The following AHCYL2 variants were observed in gnomAD, a reference collection of about 807,000 sequenced individuals.
AHCYL2 encodes adenosylhomocysteinase like 2.
Under a neutral mutation model 81.4 loss-of-function variants are expected in AHCYL2, and 28 were observed. The observed-to-expected ratio is 0.34, with a 90% CI of 0.25 to 0.47. The LOEUF is 0.47. Ranked by LOEUF, AHCYL2 falls within the 20% of genes least tolerant of loss-of-function variation. The pLI is 1.00. For synonymous variants in AHCYL2, 272 were observed against 290.2 expected, an observed-to-expected ratio of 0.94 and a Z score of 0.64; for missense variants, 551 against 785.1, an observed-to-expected ratio of 0.70 and a Z score of 3.56.
rs35521435 is a variant in AHCYL2 at position 129,424,225 on chromosome 7, C to CA, written c.1561-632dup. On this transcript the variant is annotated intron_variant, in intron 13 of 16. Coordinates refer to ENST00000325006, the MANE Select transcript of AHCYL2 (RefSeq NM_015328.4). Reference sequence around the variant, plus strand: ...CAGCTATGGTGAAACCCTGTCTCTACAAAAAAAAAAAAAAAAATACAAAAG... The same window carrying CA: ...CAGCTATGGTGAAACCCTGTCTCTACAAAAAAAAAAAAAAAAAATACAAAAG... 7.5e-3 allele frequency among the ~76,000 whole-genome samples: 505 copies of CA among 67,308 alleles called. 1 individual carries two copies. Among genetic ancestry groups the CA allele is most frequent in the East Asian group, 0.019 (50 of 2,696 alleles). 44.2% of individuals were successfully genotyped at this position (67,308 alleles called of 152,430 possible). A position where few individuals can be genotyped will look rare whatever the true frequency, so the allele number is the denominator to read the frequency against.
chr7:129,263,504 G>A (rs1050137904), intron 1 of AHCYL2, among the ~76,000 whole-genome samples: 3 of 152,262 alleles, frequency 2.0e-5, no homozygotes, highest in East Asian at 1.9e-4. Flanking sequence ...TTTGCTTTCC[G>A]GGATTACCTG....
At chr7:129,322,798 C>T (rs1049021610) in intron 1 of AHCYL2, among the ~76,000 whole-genome samples, 8 of 152,082 alleles carry the variant, frequency 5.3e-5, no homozygotes, top group Non-Finnish European at 1.0e-4. Flanking sequence ...CCAGGTTGCT[C>T]GGGCTGATCT....
At chr7:129,274,625 G>C (rs528982424) in intron 1 of AHCYL2, among the ~76,000 whole-genome samples, 4 of 152,248 alleles carry the variant, frequency 2.6e-5, no homozygotes, top group African/African-American at 9.6e-5. Context: ...GACTTCAGAG[G>C]CTAGGTCATG....
intron 13 of AHCYL2, among the ~76,000 whole-genome samples, chr7:129,424,290 C>T (rs1453847671): frequency 6.6e-6 from 1 of 151,530 alleles, no homozygotes; most frequent in Non-Finnish European, 1.5e-5. Context: ...ATCCCAGTTA[C>T]TCTGGAGGCT....
chr7:129,355,655 A>G (rs896813564), intron 1 of AHCYL2, among the ~76,000 whole-genome samples: 2 of 152,194 alleles, frequency 1.3e-5, no homozygotes, highest in Non-Finnish European at 2.9e-5. Context: ...CATCAACACA[A>G]CTTCCAGAAA....
intron 1 of AHCYL2, among the ~76,000 whole-genome samples, chr7:129,298,296 T>C (rs185882559): frequency 8.5e-5 from 13 of 152,192 alleles, no homozygotes; most frequent in African/African-American, 2.7e-4. Context: ...AAATACAAGG[T>C]AGCCTGGTTT....
chr7:129,421,308 T>C (rs1457693333), intron 12 of AHCYL2, among the ~76,000 whole-genome samples: 3 of 152,060 alleles, frequency 2.0e-5, no homozygotes, highest in Non-Finnish European at 2.9e-5. Context: ...ATGTCTGTCT[T>C]TTTTTTGGAG....
At chr7:129,370,826 C>T (rs937691557) in intron 1 of AHCYL2, among the ~76,000 whole-genome samples, 1 of 152,206 alleles carries the variant, frequency 6.6e-6, no homozygotes, top group African/African-American at 2.4e-5. Context: ...TACCTTTGCT[C>T]AGTATTTTGA....
At position 129,242,528 on chromosome 7, in the gene AHCYL2, C is replaced by T. The variant is rs574334993; in HGVS notation, c.363+17089C>T. On this transcript the variant is annotated intron_variant, in intron 1 of 16. Coordinates refer to ENST00000325006, the MANE Select transcript of AHCYL2 (RefSeq NM_015328.4). ...GTCAGAAGTTTGAGACCAGTCTGGC[C>T]AATATAGTGAAACCCCGTCTCTACT... is the stretch of plus-strand genomic sequence containing the variant. Among the ~76,000 whole-genome samples the T allele has an allele frequency of 2.0e-5, 3 of 151,966 alleles. No homozygotes were observed. In the East Asian group the frequency reaches 5.8e-4, roughly 29 times the overall value.
intron 1 of AHCYL2, among the ~76,000 whole-genome samples, chr7:129,324,751 G>A (rs182600426): frequency 1.6e-3 from 243 of 151,998 alleles, no homozygotes; most frequent in African/African-American, 5.7e-3. Flanking sequence ...TCCTGACCTC[G>A]TGATCCACCT....
chr7:129,323,384 G>A (rs1035744557), intron 1 of AHCYL2, among the ~76,000 whole-genome samples: 5 of 152,000 alleles, frequency 3.3e-5, no homozygotes, highest in Non-Finnish European at 5.9e-5. Context: ...ACATGTTTCT[G>A]TTTTTTAATT....
At chr7:129,229,369 G>T (rs914497359) in intron 1 of AHCYL2, among the ~76,000 whole-genome samples, 2 of 152,106 alleles carry the variant, frequency 1.3e-5, no homozygotes, top group African/African-American at 4.8e-5. Flanking sequence ...CCTTTTATGT[G>T]CCAGGAGTTG....
intron 1 of AHCYL2, among the ~76,000 whole-genome samples, chr7:129,241,598 A>G (rs532840694): frequency 2.7e-4 from 41 of 152,184 alleles, no homozygotes; most frequent in Non-Finnish European, 4.6e-4. Context: ...CTCAAAAAAA[A>G]TAAAATAAAA....
rs755602687 is a variant in AHCYL2, at chr7:129,426,477, T to C, written c.1743T>C (p.Phe581=). ...EYVASLHLPT[F]DAHLTELTDE... ...TGGCCAGCCTACACCTGCCTACCTT[T>C]GATGCCCACTTGACAGAGCTGACAG... Residue 581 remains phenylalanine (F), a synonymous_variant, in exon 16 of 17, where the codon TTT becomes TTC. Coordinates refer to ENST00000325006, the MANE Select transcript of AHCYL2 (RefSeq NM_015328.4). The surrounding 1 kb of genome is among the most constrained non-coding windows in gnomAD (Gnocchi z 4.3). 1 of 1,614,138 alleles carries C rather than the reference T, an allele frequency of 6.2e-7. No individual in the cohort carries two copies. Among genetic ancestry groups the C allele is most frequent in the Middle Eastern group, 1.7e-4 (1 of 6,060 alleles).
intron 1 of AHCYL2, among the ~76,000 whole-genome samples, chr7:129,233,836 A>C (rs1021726815): frequency 6.6e-6 from 1 of 152,052 alleles, no homozygotes; most frequent in Non-Finnish European, 1.5e-5. Context: ...CATAGGCTTT[A>C]TGCCTCATTA....
intron 4 of AHCYL2, among the ~76,000 whole-genome samples, chr7:129,394,410 CTT>C (rs1158437886): frequency 1.5e-5 from 1 of 67,366 alleles, no homozygotes. Context: ...TTTAATCTGA[CTT>C]TTTTTTTTTC....
chr7:129,324,770 C>T (rs1798160539), intron 1 of AHCYL2, among the ~76,000 whole-genome samples: 1 of 151,974 alleles, frequency 6.6e-6, no homozygotes, highest in African/African-American at 2.4e-5. Flanking sequence ...CTGCCTCAGC[C>T]TCCCAAAGTG....
chr7:129,367,373 A>G (rs1794161516), intron 1 of AHCYL2, among the ~76,000 whole-genome samples: 1 of 152,170 alleles, frequency 6.6e-6, no homozygotes, highest in South Asian at 2.1e-4. Flanking sequence ...TTATTGGATA[A>G]TATACTCTAG....
intron 13 of AHCYL2, 74 bp downstream of exon 13, chr7:129,423,012 G>A (rs1797188145): frequency 8.0e-7 from 1 of 1,253,894 alleles, no homozygotes; most frequent in Non-Finnish European, 1.1e-6. Flanking sequence ...TCCTCCTCAT[G>A]TTCTCGAATA....
Sources: gnomAD v4.1 joint callset for allele counts (sites outside exome capture counted in the v4.1 genomes callset) on GRCh38, gnomAD v4.1.1 for gene constraint, Gnocchi (gnomAD v3.1) non-coding constraint, MANE v1.5 for transcripts, NCBI Gene and HGNC (gene_info 2026-07-23, HGNC 2026-07-21) for gene names.